CTNND2: variants seen among roughly 807,000 people sequenced by gnomAD.
CTNND2 encodes the protein catenin delta 2.
A neutral mutation model predicts 144.4 loss-of-function variants in CTNND2; 22 were observed. That is an observed-to-expected ratio of 0.15 (90% CI 0.11 to 0.22). The LOEUF (loss-of-function observed/expected upper bound fraction) is 0.22. Among genes scored for constraint, CTNND2 ranks in the 10% least tolerant of loss-of-function variants. CTNND2 has a pLI of 1.00. For missense variants in CTNND2, 1,353 were observed against 1,618.8 expected, an observed-to-expected ratio of 0.84 and a Z score of 2.82; for synonymous variants, 751 against 695.6, an observed-to-expected ratio of 1.08 and a Z score of -1.25.
intron 2 of CTNND2, among the ~76,000 whole-genome samples, chr5:11,729,207 A>G (rs754984844): frequency 6.6e-6 from 1 of 151,328 alleles, no homozygotes; most frequent in Non-Finnish European, 1.5e-5. Context: ...AAAAAAAGTC[A>G]TCTTTGCTGC....
intron 9 of CTNND2, among the ~76,000 whole-genome samples, chr5:11,344,316 C>T (rs148105175): frequency 6.6e-6 from 1 of 151,636 alleles, no homozygotes; most frequent in African/African-American, 2.4e-5. Context: ...GGTGTGAACC[C>T]GGAAGGCGGA....
intron 18 of CTNND2, among the ~76,000 whole-genome samples, chr5:11,001,755 A>T (rs774350397): frequency 1.1e-4 from 16 of 152,218 alleles, no homozygotes; most frequent in Non-Finnish European, 1.9e-4. Context: ...TAGCTTAGGT[A>T]AAATAGTACC....
At chr5:11,530,230 T>C (rs374096956) in intron 3 of CTNND2, among the ~76,000 whole-genome samples, 1 of 151,746 alleles carries the variant, frequency 6.6e-6, no homozygotes, top group African/African-American at 2.4e-5. Flanking sequence ...ACATAATGAG[T>C]GTACCAACCA....
chr5:11,421,376 TCATGGC>T (rs1476634140), intron 3 of CTNND2, among the ~76,000 whole-genome samples: 1 of 152,196 alleles, frequency 6.6e-6, no homozygotes, highest in African/African-American at 2.4e-5. Flanking sequence ...CTTCTTGATT[TCATGGC>T]CACTGAATAC....
chr5:11,791,046 G>T (rs992575075), intron 1 of CTNND2, among the ~76,000 whole-genome samples: 4 of 152,030 alleles, frequency 2.6e-5, no homozygotes, highest in African/African-American at 9.7e-5. Flanking sequence ...TGGCACCCTG[G>T]GAGAACACCA....
intron 15 of CTNND2, among the ~76,000 whole-genome samples, chr5:11,090,019 AATAG>A (rs966934904): frequency 1.3e-5 from 2 of 152,158 alleles, no homozygotes; most frequent in Non-Finnish European, 2.9e-5. Context: ...AAAAAAAATA[AATAG>A]ATAGATAGAT....
chr5:11,773,549 C>A (rs1417857947), intron 1 of CTNND2, among the ~76,000 whole-genome samples: 3 of 152,164 alleles, frequency 2.0e-5, no homozygotes, highest in African/African-American at 7.2e-5. Context: ...CGTGGTGGCT[C>A]ATGCCTGTAA....
chr5:10,977,803 C>T (rs1736684512), intron 21 of CTNND2, among the ~76,000 whole-genome samples: 2 of 152,192 alleles, frequency 1.3e-5, no homozygotes, highest in Admixed American at 6.5e-5. Flanking sequence ...GACATTCAAA[C>T]CAAAGATCAC....
rs776192406 is a variant in CTNND2 at position 11,022,995 on chromosome 5, A to C, written c.2789-16T>G. The C allele has an allele frequency of 6.2e-6, 10 of 1,612,822 alleles. No homozygotes were observed. The highest frequency in any genetic ancestry group is 7.6e-6 in the Non-Finnish European group (9 of 1,179,028). ...GCGTATTTGCCTGGAAAAGAAAATA[A>C]AGAGAAGAGTTGAAAGGAGGTCAAG... On this transcript the variant is annotated splice_polypyrimidine_tract_variant and intron_variant, in intron 16 of 21. Transcript: ENST00000304623.
At chr5:11,081,056 A>C (rs1203101301) in intron 16 of CTNND2, among the ~76,000 whole-genome samples, 2 of 146,952 alleles carry the variant, frequency 1.4e-5, no homozygotes, top group Non-Finnish European at 3.0e-5. Context: ...CAGCCTGAGC[A>C]ACACATGAGA....
chr5:11,505,278 G>A (rs1428079993), intron 3 of CTNND2, among the ~76,000 whole-genome samples: 1 of 151,756 alleles, frequency 6.6e-6, no homozygotes, highest in African/African-American at 2.4e-5. Flanking sequence ...CTTTAAAGAC[G>A]CCAAAACTAG....
chr5:11,893,301 G>T (rs1462866331), intron 1 of CTNND2, among the ~76,000 whole-genome samples: 1 of 152,118 alleles, frequency 6.6e-6, no homozygotes, highest in East Asian at 1.9e-4. Flanking sequence ...TGTTTGAAAA[G>T]GATAGAAATA....
chr5:11,649,423 T>C (rs1041686078), intron 2 of CTNND2, among the ~76,000 whole-genome samples: 4 of 152,208 alleles, frequency 2.6e-5, no homozygotes, highest in African/African-American at 9.6e-5. Flanking sequence ...GTTAAAGTGA[T>C]TCTCCTGCCT....
intron 3 of CTNND2, among the ~76,000 whole-genome samples, chr5:11,496,635 G>T (rs1030466267): frequency 6.6e-6 from 1 of 152,108 alleles, no homozygotes; most frequent in Admixed American, 6.5e-5. Context: ...GGGAGGCAAA[G>T]AATCCCTCAT....
intron 2 of CTNND2, among the ~76,000 whole-genome samples, chr5:11,580,335 TA>T (rs1183767422): frequency 6.6e-6 from 1 of 152,226 alleles, no homozygotes. Flanking sequence ...CATGGAGTTT[TA>T]TGTAAAGAAT....
At chr5:11,836,302 G>A (rs185845683) in intron 1 of CTNND2, among the ~76,000 whole-genome samples, 29 of 152,298 alleles carry the variant, frequency 1.9e-4, no homozygotes, top group Admixed American at 1.5e-3. Flanking sequence ...TAGATTCTAA[G>A]AGAAAACTAT....
chr5:11,066,037 T>C (rs1160062835), intron 16 of CTNND2, among the ~76,000 whole-genome samples: 2 of 108,394 alleles, frequency 1.8e-5, no homozygotes, highest in African/African-American at 8.3e-5. Flanking sequence ...CTCCACAATC[T>C]TTTATCTTTT....
At chr5:11,365,723 T>G (rs1465958129) in intron 7 of CTNND2, among the ~76,000 whole-genome samples, 1 of 152,092 alleles carries the variant, frequency 6.6e-6, no homozygotes, top group Non-Finnish European at 1.5e-5. Flanking sequence ...AAATAAGACT[T>G]TAGTGAGGGT....
intron 1 of CTNND2, among the ~76,000 whole-genome samples, chr5:11,737,826 C>T (rs560745528): frequency 2.0e-5 from 3 of 152,240 alleles, no homozygotes; most frequent in Admixed American, 6.5e-5. Context: ...TTTGCATACA[C>T]AAAGACAGAA....
Sources: allele counts gnomAD v4.1 joint callset (sites outside exome capture counted in the v4.1 genomes callset), GRCh38; gene constraint gnomAD v4.1.1; transcripts MANE v1.5; gene names NCBI Gene and HGNC (gene_info 2026-07-23, HGNC 2026-07-21).